The following SMC2 variants were observed in gnomAD, a reference collection of about 807,000 sequenced individuals.
SMC2 encodes the protein structural maintenance of chromosomes protein 2.
SMC2 carries 41 observed loss-of-function variants against 142.6 expected under a neutral mutation model. That is an observed-to-expected ratio of 0.29 (90% CI 0.22 to 0.37). The LOEUF is 0.37. SMC2 is among the 10% of genes least tolerant of loss of function. SMC2 has a pLI of 1.00. For synonymous variants in SMC2, 463 were observed against 457.5 expected (o/e 1.01, Z -0.15); for missense variants, 1,265 against 1,373.7 (o/e 0.92, Z 1.25).
At chr9:104,138,192 TA>T in intron 24 of SMC2, 27 bp downstream of exon 24, 1 of 1,544,658 alleles carries the variant, frequency 6.5e-7, no homozygotes, top group Non-Finnish European at 8.8e-7. Context: ...AAAGTCTCAG[TA>T]ATAGTTTAAT....
chr9:104,131,520 A>C (rs1834964809), intron 21 of SMC2, among the ~76,000 whole-genome samples: 1 of 152,182 alleles, frequency 6.6e-6, no homozygotes, highest in African/African-American at 2.4e-5. Context: ...AAATTAAAAA[A>C]AAGTAAGGTC....
chr9:104,117,329 C>G (rs1833231527), intron 14 of SMC2, among the ~76,000 whole-genome samples: 1 of 152,160 alleles, frequency 6.6e-6, no homozygotes. Context: ...GCTGCCACAT[C>G]AAAGAACAAT....
At chr9:104,110,721 T>C (rs1564084371) in intron 9 of SMC2, among the ~76,000 whole-genome samples, 1 of 152,190 alleles carries the variant, frequency 6.6e-6, no homozygotes, top group Non-Finnish European at 1.5e-5. Context: ...TTCAAACATG[T>C]TCCTCAGGGC....
intron 15 of SMC2, among the ~76,000 whole-genome samples, chr9:104,118,956 T>C (rs984981307): frequency 2.0e-5 from 3 of 152,170 alleles, no homozygotes; most frequent in African/African-American, 7.2e-5. Context: ...ATCTCTAATA[T>C]ACAGTTGCAG....
At chr9:104,096,392 C>G (rs1830447830) in intron 3 of SMC2, 95 bp downstream of exon 3, 6 of 1,210,074 alleles carry the variant, frequency 5.0e-6, no homozygotes, top group Non-Finnish European at 5.9e-6. Context: ...AGAGAAAGTT[C>G]ATGAGCAAAA....
chr9:104,109,221 A>G (rs1220809520), intron 9 of SMC2, among the ~76,000 whole-genome samples: 1 of 152,146 alleles, frequency 6.6e-6, no homozygotes. Flanking sequence ...ATTTCCCTCA[A>G]CTACCCAAAC....
rs1831222210 is a variant in SMC2, at chr9:104,102,213, A to C, written c.870+20A>C. 7.3e-7 allele frequency: 1 copy of C among 1,369,038 alleles called. No homozygotes were observed. Among genetic ancestry groups the C allele is most frequent in the Non-Finnish European group, 1.0e-6 (1 of 981,290 alleles). 84.8% of individuals were successfully genotyped at this position (1,369,038 alleles called of 1,614,324 possible). ...GATAAGGTCTGAACATATGTATAAG[A>C]ATCGATAATATACTCTGTGAAAAAC... On this transcript the variant is annotated intron_variant, in intron 8 of 24. Transcript: ENST00000374793.
At chr9:104,118,453 C>CAACT in intron 15 of SMC2, 78 bp downstream of exon 15, 1 of 1,128,618 alleles carries the variant, frequency 8.9e-7, no homozygotes, top group Non-Finnish European at 1.3e-6. Context: ...ATTTTTAGCC[C>CAACT]AACTACCCAC....
At position 104,098,545 on chromosome 9, in the gene SMC2, A is replaced by C. The variant is rs1008551755; in HGVS notation, c.418A>C (p.Asn140His). ...CTGTTCTGTTGGCCTTAATGTTAACAACCCTCACTTTCTCATCATGCAGGT... is the reference window on the plus strand; with the variant it reads ...CTGTTCTGTTGGCCTTAATGTTAACCACCCTCACTTTCTCATCATGCAGGT... The part of the protein sequence containing the change: ...LFCSVGLNVN[N>H]PHFLIMQGRI... Residue 140 changes from asparagine (N) to histidine (H), a missense_variant, in exon 4 of 25, where the codon AAC (asparagine) becomes CAC (histidine). Asn to His is a moderately conservative substitution (Grantham distance 68). Coordinates refer to ENST00000374793, the MANE Select transcript of SMC2 (RefSeq NM_006444.3). 6.3e-7 allele frequency: 1 copy of C among 1,592,778 alleles called. No homozygotes were observed. Among genetic ancestry groups the C allele is most frequent in the Non-Finnish European group, 8.5e-7 (1 of 1,172,424 alleles).
chr9:104,092,925 G>A (rs1368258855), upstream of SMC2: 1 of 152,158 alleles, frequency 6.6e-6, no homozygotes, highest in Admixed American at 6.5e-5. Flanking sequence ...ATCTTGGGAA[G>A]TGAGGAATGG....
At position 104,124,951 on chromosome 9, in the gene SMC2, A is replaced by G; in HGVS notation, c.2297A>G (p.Gln766Arg). 1 of 1,596,650 alleles carries G rather than the reference A, an allele frequency of 6.3e-7. No individual in the cohort carries two copies. The highest frequency in any genetic ancestry group is 8.5e-7 in the Non-Finnish European group (1 of 1,176,096). Residue 766 changes from glutamine (Q) to arginine (R), a missense_variant, in exon 18 of 25, where the codon CAA (glutamine) becomes CGA (arginine). This residue lies in a region of SMC2 where 898 missense variants were observed against 904.2 expected (regional missense o/e 0.99). Coordinates refer to ENST00000374793, the MANE Select transcript of SMC2 (RefSeq NM_006444.3). ...EETLKNTKEI[Q>R]RKAEEKYEVL... The stretch of plus-strand genomic sequence containing the variant: ...ACTTTGAAAAACACTAAAGAAATCC[A>G]AAGAAAAGCAGAAGAAAAATATGAA...
At chr9:104,089,016 A>C in the SMC2 span, among the ~76,000 whole-genome samples, 1,816 of 152,246 alleles carry the variant, frequency 0.012, 46 homozygotes, top group African/African-American at 0.041. Context: ...CTAAGGAAGA[A>C]AGTAGCAGAT....
intron 21 of SMC2, among the ~76,000 whole-genome samples, chr9:104,131,389 A>G (rs547295283): frequency 1.6e-3 from 249 of 152,296 alleles, no homozygotes; most frequent in African/African-American, 5.7e-3. Flanking sequence ...ATAAGGTCCA[A>G]TTCCCTTTAT....
At chr9:104,128,223 C>G (rs1834533629) in intron 20 of SMC2, among the ~76,000 whole-genome samples, 1 of 152,086 alleles carries the variant, frequency 6.6e-6, no homozygotes, top group Admixed American at 6.5e-5. Context: ...CAAGAACATA[C>G]AAAACAATCT....
At chr9:104,136,363 C>A (rs933195265) in intron 23 of SMC2, among the ~76,000 whole-genome samples, 3 of 151,744 alleles carry the variant, frequency 2.0e-5, no homozygotes, top group Non-Finnish European at 2.9e-5. Context: ...AAATAAGAAT[C>A]AAAAATACAG....
At chr9:104,122,912 A>G (rs16923702) in intron 16 of SMC2, among the ~76,000 whole-genome samples, 196 bp from the exon 17 acceptor site, 8,612 of 152,196 alleles carry the variant, frequency 0.057, 654 homozygotes, top group African/African-American at 0.18. Context: ...GTTCACCTTC[A>G]ATGACCAGAT....
intron 3 of SMC2, among the ~76,000 whole-genome samples, chr9:104,096,823 G>T (rs1033243659): frequency 6.6e-6 from 1 of 152,158 alleles, no homozygotes; most frequent in Non-Finnish European, 1.5e-5. Context: ...TCTTTCACTT[G>T]ATGTTTGTTC....
intron 3 of SMC2, among the ~76,000 whole-genome samples, chr9:104,097,587 T>C (rs1189255403): frequency 6.6e-6 from 1 of 151,712 alleles, no homozygotes; most frequent in Non-Finnish European, 1.5e-5. Flanking sequence ...CATCAAATAT[T>C]TATCCTTTAG....
intron 6 of SMC2, 50 bp downstream of exon 6, chr9:104,100,253 G>A: frequency 6.9e-7 from 1 of 1,439,808 alleles, no homozygotes; most frequent in Admixed American, 2.4e-5. Context: ...AATTTTGCAT[G>A]TAGAGTTTTT....
Sources: gnomAD v4.1 joint callset for allele counts (sites outside exome capture counted in the v4.1 genomes callset) on GRCh38, gnomAD v4.1.1 for gene constraint, gnomAD v4.1.1 regional missense constraint, MANE v1.5 for transcripts, NCBI Gene and HGNC (gene_info 2026-07-23, HGNC 2026-07-21) for gene names.